EDNRB: variants seen among roughly 807,000 people sequenced by gnomAD.
The protein encoded by EDNRB is Hirschsprung disease 2.
A neutral mutation model predicts 46.4 loss-of-function variants in EDNRB; 18 were observed. That is an observed-to-expected ratio of 0.39 (90% CI 0.27 to 0.57). The LOEUF (loss-of-function observed/expected upper bound fraction) is 0.57, where lower values mean the gene tolerates loss of function less well. Ranked by LOEUF, EDNRB falls within the 20% of genes least tolerant of loss-of-function variation. The probability of loss-of-function intolerance (pLI) is 0.61; values close to 1 mark genes in which losing one functional copy is unlikely to be tolerated. For missense variants in EDNRB, 434 were observed against 537.5 expected (o/e 0.81, Z 1.90); for synonymous variants, 213 against 204.9 (o/e 1.04, Z -0.34).
At chr13:77,963,251 C>G (rs1225672457) in intron 1 of EDNRB, among the ~76,000 whole-genome samples, 2 of 152,142 alleles carry the variant, frequency 1.3e-5, no homozygotes, top group Non-Finnish European at 2.9e-5. Flanking sequence ...ACTTTCTTCA[C>G]AGAATTGGAA....
At chr13:77,972,931 C>T (rs192587980) in intron 1 of EDNRB, among the ~76,000 whole-genome samples, 1 of 152,262 alleles carries the variant, frequency 6.6e-6, no homozygotes, top group East Asian at 1.9e-4. Context: ...GAACAGCAGC[C>T]TTGGTGGTTA....
chr13:77,947,779 ATTTTTTT>A (rs5804948), intron 1 of EDNRB: 5 of 133,350 alleles, frequency 3.7e-5, no homozygotes, highest in African/African-American at 1.4e-4. Context: ...CAGCTAATTA[ATTTTTTT>A]TTTTTTTTTT....
rs1326513091 is a variant in EDNRB at position 77,937,455 on chromosome 13, G to A, written c.-51-18831C>T. On this transcript the variant is annotated intron_variant, in intron 1 of 7. Transcript: ENST00000646948. ...CAGGATGACATTTAAGTCACTCCAGGTTAAACTGTAGGACAGAGTTAGATA... is the reference window on the plus strand; with the variant it reads ...CAGGATGACATTTAAGTCACTCCAGATTAAACTGTAGGACAGAGTTAGATA... Among the ~76,000 whole-genome samples, 13 of 152,188 alleles carry A rather than the reference G, an allele frequency of 8.5e-5. 1 individual carries two copies. The highest frequency in any genetic ancestry group is 7.2e-4 in the Admixed American group (11 of 15,272).
Position 77,957,068 on chromosome 13 carries a change from T to C in EDNRB, c.-52+18279A>G, listed in dbSNP as rs75858363. On this transcript the variant is annotated intron_variant, in intron 1 of 7. Coordinates refer to the EDNRB transcript ENST00000646948. ...TTGTGATTTGTGTGAATAATCTTTT[T>C]CTGGTCCATATGGATTCAGTTGTAA... 2.5e-4 allele frequency among the ~76,000 whole-genome samples: 38 copies of C among 152,360 alleles called. 1 individual carries two copies. The East Asian group carries it at 7.3e-3, about 29-fold the overall frequency.
rs577989809 is a variant in EDNRB, at chr13:77,961,633, G to A, written c.-52+13714C>T. 2.6e-5 allele frequency among the ~76,000 whole-genome samples: 4 copies of A among 152,312 alleles called. 1 individual carries two copies. The South Asian group carries it at 8.3e-4, about 32-fold the overall frequency. The stretch of plus-strand genomic sequence containing the variant: ...ATCTCTGGGACATATTTAAAGCAGT[G>A]TGTAGAGGGAAATTTATAGCACTAA... On this transcript the variant is annotated intron_variant, in intron 1 of 7. Coordinates refer to the EDNRB transcript ENST00000646948.
chr13:77,920,655 C>T (rs1021887741), upstream of EDNRB, among the ~76,000 whole-genome samples: 6 of 152,124 alleles, frequency 3.9e-5, no homozygotes, highest in African/African-American at 1.2e-4. Context: ...AACATGGTTA[C>T]GGAGTAAGGC....
chr13:77,900,826 G>C (rs1273378267), intron 4 of EDNRB, among the ~76,000 whole-genome samples, 172 bp from the exon 5 acceptor site: 1 of 151,892 alleles, frequency 6.6e-6, no homozygotes, highest in Non-Finnish European at 1.5e-5. Context: ...GAAGTGACTA[G>C]AGATTCATCT....
intron 1 of EDNRB, among the ~76,000 whole-genome samples, chr13:77,932,145 C>T (rs760618649): frequency 3.9e-5 from 6 of 151,912 alleles, no homozygotes; most frequent in Admixed American, 6.6e-5. Flanking sequence ...TAGACACTGG[C>T]TGCCTCGGAA....
intron 1 of EDNRB, among the ~76,000 whole-genome samples, chr13:77,932,398 G>A (rs1405149425): frequency 6.6e-6 from 1 of 152,142 alleles, no homozygotes; most frequent in African/African-American, 2.4e-5. Context: ...AACAATAATG[G>A]TAGAAGTGGC....
rs1458462037 is a variant in EDNRB at position 77,898,110 on chromosome 13, T to A, written c.*90A>T. The A allele has an allele frequency of 1.3e-6, 2 of 1,549,910 alleles. No individual in the cohort carries two copies. The highest frequency in any genetic ancestry group is 8.7e-7 in the Non-Finnish European group (1 of 1,148,394). Reference sequence around the variant, plus strand: ...AATAGTGTGCTGTGCAAATACATAGTTTTTTGTTTTGTTTTGGCAAATGTT... The same window carrying A: ...AATAGTGTGCTGTGCAAATACATAGATTTTTGTTTTGTTTTGGCAAATGTT... On this transcript the variant is annotated 3_prime_UTR_variant, in exon 7 of 7. Coordinates refer to ENST00000646607, the MANE Select transcript of EDNRB (RefSeq NM_001122659.3).
chr13:77,948,204 G>T (rs1006331932), intron 1 of EDNRB, among the ~76,000 whole-genome samples: 4 of 152,100 alleles, frequency 2.6e-5, no homozygotes, highest in African/African-American at 9.7e-5. Flanking sequence ...ATTTACTTTT[G>T]ATTGAACTAG....
upstream of EDNRB, chr13:77,919,990 C>A: frequency 5.9e-6 from 1 of 169,636 alleles, no homozygotes; most frequent in Non-Finnish European, 1.3e-5. Flanking sequence ...TCATTTTGCC[C>A]TGAAGTTTCA....
intron 1 of EDNRB, chr13:77,939,394 G>A (rs748607177): frequency 6.6e-6 from 1 of 152,236 alleles, no homozygotes; most frequent in Non-Finnish European, 1.5e-5. Flanking sequence ...GAAATAGTTG[G>A]AATCCTAAAT....
At chr13:77,933,439 A>G (rs1263277351) in intron 1 of EDNRB, among the ~76,000 whole-genome samples, 5 of 152,164 alleles carry the variant, frequency 3.3e-5, no homozygotes, top group Admixed American at 2.6e-4. Flanking sequence ...GGTGCTCAGT[A>G]GGGGAGCTTT....
In EDNRB at chr13:77,897,834, G is replaced by C. The variant is rs780088552; in HGVS notation, c.*366C>G. 9.4e-5 allele frequency: 96 copies of C among 1,023,914 alleles called. No homozygotes were observed. The highest frequency in any genetic ancestry group is 3.2e-4 in the Admixed American group (6 of 18,606). The allele number at this position is 1,023,914 out of a possible 1,614,324, so 63.4% of individuals were successfully genotyped here. A position where few individuals can be genotyped will look rare whatever the true frequency, so the allele number is the denominator to read the frequency against. ...TGACTTATTCTTCCTTTATATCAGA[G>C]TCCCATTGATTTAAAAATAAATCTC... On this transcript the variant is annotated 3_prime_UTR_variant, in exon 7 of 7. Coordinates refer to ENST00000646607, the MANE Select transcript of EDNRB (RefSeq NM_001122659.3).
At chr13:77,954,826 G>T (rs1881190678) in intron 1 of EDNRB, among the ~76,000 whole-genome samples, 1 of 151,936 alleles carries the variant, frequency 6.6e-6, no homozygotes, top group Non-Finnish European at 1.5e-5. Context: ...TTTTTTTAAG[G>T]TTCTGTTTTA....
chr13:77,964,672 A>G (rs1052753507), intron 1 of EDNRB, among the ~76,000 whole-genome samples: 1 of 152,228 alleles, frequency 6.6e-6, no homozygotes, highest in Non-Finnish European at 1.5e-5. Context: ...AGATATACCT[A>G]ATGTAAATGA....
chr13:77,945,446 G>C (rs181257304), intron 1 of EDNRB, among the ~76,000 whole-genome samples: 31 of 152,274 alleles, frequency 2.0e-4, no homozygotes, highest in Admixed American at 1.9e-3. Context: ...GAAAATGTGA[G>C]ACAAACTGAA....
chr13:77,897,084 A>G lies in EDNRB; in HGVS notation c.*1116T>C. The stretch of plus-strand genomic sequence containing the variant: ...CTATAGCATTATACATATGCTAGAA[A>G]CCATTTTAACCACAGCATGGGTGAG... On this transcript the variant is annotated 3_prime_UTR_variant, in exon 7 of 7. Transcript: ENST00000646607. 1 of 985,796 alleles carries G rather than the reference A, an allele frequency of 1.0e-6. No individual in the cohort carries two copies. The highest frequency in any genetic ancestry group is 1.7e-5 in the African/African-American group (1 of 57,354). The allele number at this position is 985,796 out of a possible 1,614,324, so 61.1% of individuals were successfully genotyped here.
Sources: allele counts gnomAD v4.1 joint callset (sites outside exome capture counted in the v4.1 genomes callset), GRCh38; gene constraint gnomAD v4.1.1; transcripts MANE v1.5; gene names NCBI Gene and HGNC (gene_info 2026-07-23, HGNC 2026-07-21).